Variants in WWOX observed in about 807,000 individuals in gnomAD.
WWOX encodes WW domain containing oxidoreductase.
In WWOX, 69 loss-of-function variants were observed where a neutral mutation model predicts 46.2. The ratio of observed to expected loss-of-function variants is 1.49; its 90% CI spans 1.23 to 1.82. The LOEUF (loss-of-function observed/expected upper bound fraction) is 1.82. WWOX is among the 40% of genes most tolerant of loss of function. The pLI is 0.00. For missense variants in WWOX, 919 were observed against 542.6 expected, an observed-to-expected ratio of 1.69 and a Z score of -6.89; for synonymous variants, 359 against 202.6, an observed-to-expected ratio of 1.77 and a Z score of -6.56.
chr16:79,139,176 C>T (rs940016355), intron 8 of WWOX, among the ~76,000 whole-genome samples: 2 of 152,116 alleles, frequency 1.3e-5, no homozygotes, highest in African/African-American at 2.4e-5. Flanking sequence ...ATAATCATAC[C>T]TGGGATTTAT....
intron 8 of WWOX, among the ~76,000 whole-genome samples, chr16:79,147,647 A>G (rs1037277248): frequency 5.9e-5 from 9 of 152,162 alleles, no homozygotes; most frequent in Non-Finnish European, 7.4e-5. Flanking sequence ...TAATGACATG[A>G]TTAGTTTGTA....
At chr16:78,100,213 C>T (rs2031671652) in intron 1 of WWOX, 1 of 1,171,568 alleles carries the variant, frequency 8.5e-7, no homozygotes, top group South Asian at 2.1e-5. Context: ...GCTCAGCTCC[C>T]TCCTGCAGGC....
At chr16:79,175,822 C>A (rs901875623) in intron 8 of WWOX, among the ~76,000 whole-genome samples, 1 of 152,142 alleles carries the variant, frequency 6.6e-6, no homozygotes, top group Admixed American at 6.5e-5. Flanking sequence ...TTGTCTCACT[C>A]CTTCCTCCCA....
chr16:78,487,402 C>G (rs375752987), intron 8 of WWOX, among the ~76,000 whole-genome samples: 1 of 152,252 alleles, frequency 6.6e-6, no homozygotes, highest in South Asian at 2.1e-4. Context: ...CTAATGAGAT[C>G]TATTAAGGAT....
intron 5 of WWOX, among the ~76,000 whole-genome samples, chr16:78,375,345 T>C (rs2081793714): frequency 6.6e-6 from 1 of 152,218 alleles, no homozygotes; most frequent in African/African-American, 2.4e-5. Flanking sequence ...AGTTTCCAAA[T>C]GGCTTATGGT....
At chr16:78,915,845 C>T (rs1243178954) in intron 8 of WWOX, among the ~76,000 whole-genome samples, 3 of 152,108 alleles carry the variant, frequency 2.0e-5, no homozygotes, top group Admixed American at 6.6e-5. Flanking sequence ...TCTTGATCAC[C>T]ACAGCTTTAT....
chr16:78,930,222 T>TCTTCCTTCCTTCATTCCTTC, intron 8 of WWOX, among the ~76,000 whole-genome samples: 2 of 104,998 alleles, frequency 1.9e-5, no homozygotes, highest in African/African-American at 7.9e-5. Flanking sequence ...TCAGGACCTT[T>TCTTCCTTCCTTCATTCCTTC]CTTCCTTCCT....
chr16:78,303,055 G>T (rs2080069395), intron 5 of WWOX, among the ~76,000 whole-genome samples: 2 of 152,184 alleles, frequency 1.3e-5, no homozygotes, highest in South Asian at 4.1e-4. Flanking sequence ...GGAACAGCTG[G>T]TTTTCCCTTT....
intron 8 of WWOX, among the ~76,000 whole-genome samples, chr16:79,096,262 T>C (rs73575152): frequency 0.025 from 3,767 of 152,126 alleles, 138 homozygotes; most frequent in African/African-American, 0.086. Context: ...TTTGAAAATA[T>C]GTTAGATCAC....
chr16:78,590,404 A>G (rs79684927), intron 8 of WWOX, among the ~76,000 whole-genome samples: 2,198 of 152,290 alleles, frequency 0.014, 45 homozygotes, highest in African/African-American at 0.05. Flanking sequence ...GATGGTGGCA[A>G]TGGTCAAGAA....
chr16:78,202,085 C>G (rs982027750), intron 5 of WWOX, among the ~76,000 whole-genome samples: 1 of 150,008 alleles, frequency 6.7e-6, no homozygotes, highest in Non-Finnish European at 1.5e-5. Context: ...CTAGCTTCTT[C>G]CATCCTGGAC....
intron 8 of WWOX, chr16:79,078,071 TC>T (rs1377849783): frequency 1.3e-5 from 2 of 152,066 alleles, no homozygotes; most frequent in East Asian, 3.9e-4. Flanking sequence ...AAAGGTCCCC[TC>T]CCCAGATTTT....
At chr16:79,191,481 ACAACTG>A (rs1226759348) in intron 8 of WWOX, among the ~76,000 whole-genome samples, 1 of 152,148 alleles carries the variant, frequency 6.6e-6, no homozygotes, top group African/African-American at 2.4e-5. Flanking sequence ...CAAAGTAGCT[ACAACTG>A]CACAAAGAAT....
intron 5 of WWOX, among the ~76,000 whole-genome samples, chr16:78,320,356 C>G (rs562540294): frequency 6.6e-6 from 1 of 152,280 alleles, no homozygotes; most frequent in South Asian, 2.1e-4. Flanking sequence ...GGTTCAGATT[C>G]TGTATCTGGG....
At chr16:78,685,110 C>T (rs969505130) in intron 8 of WWOX, among the ~76,000 whole-genome samples, 2 of 152,118 alleles carry the variant, frequency 1.3e-5, no homozygotes, top group Admixed American at 6.5e-5. Flanking sequence ...CTGGTATCTC[C>T]ACTTCTCTCT....
intron 8 of WWOX, among the ~76,000 whole-genome samples, chr16:79,054,610 C>G (rs562249524): frequency 6.6e-6 from 1 of 152,086 alleles, no homozygotes; most frequent in East Asian, 1.9e-4. Context: ...TCCCTTGAGT[C>G]CAGGAGTTCA....
At chr16:79,180,101 A>G (rs564540419) in intron 8 of WWOX, among the ~76,000 whole-genome samples, 2 of 152,306 alleles carry the variant, frequency 1.3e-5, no homozygotes, top group South Asian at 4.1e-4. Flanking sequence ...TCAACAAGAA[A>G]GAATCTTTGC....
At chr16:78,180,783 A>G (rs1350312179) in intron 5 of WWOX, among the ~76,000 whole-genome samples, 2 of 152,130 alleles carry the variant, frequency 1.3e-5, no homozygotes, top group Non-Finnish European at 2.9e-5. Context: ...GGCATATGTT[A>G]GGGCTAGCAG....
At chr16:78,277,268 C>T (rs28736637) in intron 5 of WWOX, among the ~76,000 whole-genome samples, 2,371 of 152,260 alleles carry the variant, frequency 0.016, 48 homozygotes, top group African/African-American at 0.049. Flanking sequence ...AGCCGTGTTT[C>T]CTCAGCATTC....
Sources: allele counts gnomAD v4.1 joint callset (sites outside exome capture counted in the v4.1 genomes callset), GRCh38; gene constraint gnomAD v4.1.1; transcripts MANE v1.5; gene names NCBI Gene and HGNC (gene_info 2026-07-23, HGNC 2026-07-21).